The following PTPRD variants were observed in gnomAD, a reference collection of about 807,000 sequenced individuals.
The protein encoded by PTPRD is receptor-type tyrosine-protein phosphatase delta.
A neutral mutation model predicts 214.5 loss-of-function variants in PTPRD; 34 were observed. The observed-to-expected ratio is 0.16, with a 90% CI of 0.12 to 0.21. The LOEUF is 0.21. PTPRD is among the 10% of genes least tolerant of loss of function. The probability of loss-of-function intolerance (pLI) is 1.00; values close to 1 mark genes in which losing one functional copy is unlikely to be tolerated. For synonymous variants in PTPRD, 1,128 were observed against 845.7 expected, an observed-to-expected ratio of 1.33 and a Z score of -5.79; for missense variants, 2,545 against 2,398.7, an observed-to-expected ratio of 1.06 and a Z score of -1.27.
At chr9:9,973,416 G>C (rs1175775562) in intron 4 of PTPRD, among the ~76,000 whole-genome samples, 1 of 151,796 alleles carries the variant, frequency 6.6e-6, no homozygotes, top group East Asian at 1.9e-4. Context: ...AGTTTTCAGT[G>C]AGCTGAAATC....
At position 9,361,774 on chromosome 9, in the gene PTPRD, G is replaced by A. The variant is rs879501264; in HGVS notation, c.-203+35675C>T. On this transcript the variant is annotated intron_variant, in intron 9 of 45. Coordinates refer to ENST00000381196, the MANE Select transcript of PTPRD (RefSeq NM_002839.4). ...CATACTATCTTTCTCATGTCCACAT[G>A]GAAGATTAGATTTCTCCCTTGGTAG... Among the ~76,000 whole-genome samples, 3 of 150,974 alleles carry A rather than the reference G, an allele frequency of 2.0e-5. No homozygotes were observed. In the Admixed American group the frequency reaches 2.0e-4, roughly 10 times the overall value.
intron 7 of PTPRD, among the ~76,000 whole-genome samples, chr9:9,654,913 C>T (rs1360562152): frequency 6.6e-6 from 1 of 151,910 alleles, no homozygotes; most frequent in African/African-American, 2.4e-5. Context: ...TGATTTTATA[C>T]AATTAGCTTT....
intron 8 of PTPRD, among the ~76,000 whole-genome samples, chr9:9,545,522 C>T (rs2078586509): frequency 6.6e-6 from 1 of 151,864 alleles, no homozygotes; most frequent in South Asian, 2.1e-4. Flanking sequence ...TAAAGAACAT[C>T]TTAATTTCTT....
At chr9:9,065,275 G>C (rs981497816) in intron 10 of PTPRD, among the ~76,000 whole-genome samples, 4 of 152,178 alleles carry the variant, frequency 2.6e-5, no homozygotes, top group African/African-American at 9.7e-5. Flanking sequence ...TTGAAATAGA[G>C]AGATCAGGGT....
intron 12 of PTPRD, among the ~76,000 whole-genome samples, chr9:8,713,077 G>T (rs760239335): frequency 1.3e-5 from 2 of 152,190 alleles, no homozygotes; most frequent in Non-Finnish European, 2.9e-5. Context: ...AGGTATGTGT[G>T]TGTGCTTTTT....
intron 9 of PTPRD, among the ~76,000 whole-genome samples, chr9:9,361,481 T>C (rs2056126387): frequency 6.6e-6 from 1 of 151,094 alleles, no homozygotes; most frequent in Non-Finnish European, 1.5e-5. Flanking sequence ...TTTTTTAAAA[T>C]GCACCATGGC....
chr9:9,858,698 G>T (rs1565817895), intron 5 of PTPRD, among the ~76,000 whole-genome samples: 3 of 152,164 alleles, frequency 2.0e-5, no homozygotes, highest in South Asian at 4.1e-4. Context: ...ATGATATAAT[G>T]AAAAATGTAT....
At chr9:9,062,109 T>C (rs1333480975) in intron 10 of PTPRD, among the ~76,000 whole-genome samples, 3 of 152,172 alleles carry the variant, frequency 2.0e-5, no homozygotes, top group Admixed American at 6.5e-5. Context: ...TATATTCCAA[T>C]AGTTGAAGTT....
intron 8 of PTPRD, among the ~76,000 whole-genome samples, chr9:9,512,648 G>T (rs1744005551): frequency 6.6e-6 from 1 of 151,638 alleles, no homozygotes; most frequent in Non-Finnish European, 1.5e-5. Context: ...ATTCACAGGA[G>T]ATTCTTTCTT....
At chr9:10,078,795 C>T (rs1414529044) in intron 3 of PTPRD, among the ~76,000 whole-genome samples, 2 of 152,052 alleles carry the variant, frequency 1.3e-5, no homozygotes, top group Non-Finnish European at 2.9e-5. Flanking sequence ...TGTCTGCTTC[C>T]TCTTTCAGGT....
At chr9:9,898,824 G>C (rs1031576611) in intron 5 of PTPRD, among the ~76,000 whole-genome samples, 30 of 152,000 alleles carry the variant, frequency 2.0e-4, no homozygotes, top group African/African-American at 6.8e-4. Context: ...TTTTTAAAAA[G>C]ACGTATGTTA....
At chr9:9,058,487 C>T (rs1388764842) in intron 10 of PTPRD, among the ~76,000 whole-genome samples, 2 of 99,856 alleles carry the variant, frequency 2.0e-5, no homozygotes, top group African/African-American at 3.3e-5. Flanking sequence ...GTCTCGCTGT[C>T]GCCCAGGCTG....
chr9:10,491,236 G>A (rs901882653), intron 2 of PTPRD, among the ~76,000 whole-genome samples: 8 of 152,062 alleles, frequency 5.3e-5, no homozygotes, highest in Non-Finnish European at 8.8e-5. Flanking sequence ...ATTGAAAAAT[G>A]CAACGTATAA....
At chr9:10,167,517 T>C (rs959705370) in intron 3 of PTPRD, among the ~76,000 whole-genome samples, 6 of 152,164 alleles carry the variant, frequency 3.9e-5, no homozygotes, top group African/African-American at 1.2e-4. Flanking sequence ...TATCTATTTA[T>C]CTATTAGGAA....
At chr9:9,259,386 C>T (rs2099979107) in intron 9 of PTPRD, among the ~76,000 whole-genome samples, 2 of 151,826 alleles carry the variant, frequency 1.3e-5, no homozygotes, top group South Asian at 2.1e-4. Flanking sequence ...AATGTGCTTA[C>T]AGGACATGTT....
intron 3 of PTPRD, among the ~76,000 whole-genome samples, chr9:10,261,229 G>C (rs193006537): frequency 6.6e-6 from 1 of 151,408 alleles, no homozygotes; most frequent in Non-Finnish European, 1.5e-5. Context: ...GAGGATCATA[G>C]AAACTAGACA....
intron 11 of PTPRD, among the ~76,000 whole-genome samples, chr9:8,744,355 T>C (rs1000203503): frequency 1.3e-5 from 2 of 152,182 alleles, no homozygotes; most frequent in African/African-American, 4.8e-5. Context: ...CACGCATGTA[T>C]ACAGCAGCAC....
chr9:9,476,669 G>A (rs1314963148), intron 8 of PTPRD, among the ~76,000 whole-genome samples: 2 of 152,122 alleles, frequency 1.3e-5, no homozygotes, highest in Non-Finnish European at 2.9e-5. Flanking sequence ...TCATACTAAT[G>A]AGTATACAGA....
chr9:9,672,649 T>C (rs2096853497), intron 7 of PTPRD, among the ~76,000 whole-genome samples: 1 of 152,210 alleles, frequency 6.6e-6, no homozygotes, highest in Non-Finnish European at 1.5e-5. Flanking sequence ...TTGAGCTCTA[T>C]CTACTGATCC....
Sources: allele counts gnomAD v4.1 joint callset (sites outside exome capture counted in the v4.1 genomes callset), GRCh38; gene constraint gnomAD v4.1.1; transcripts MANE v1.5; gene names NCBI Gene and HGNC (gene_info 2026-07-23, HGNC 2026-07-21).